The following ARRDC4 variants were observed in gnomAD, a reference collection of about 807,000 sequenced individuals.
ARRDC4 encodes the protein arrestin domain containing 4.
ARRDC4 carries 40 observed loss-of-function variants against 44.6 expected under a neutral mutation model. The observed-to-expected ratio is 0.90, with a 90% CI of 0.70 to 1.17. The LOEUF is 1.17. Among genes scored for constraint, ARRDC4 ranks in the 50% most tolerant of loss-of-function variants. The pLI, the probability that ARRDC4 is intolerant of heterozygous loss-of-function variation, is 0.00. For synonymous variants in ARRDC4, 211 were observed against 221.2 expected, an observed-to-expected ratio of 0.95 and a Z score of 0.41; for missense variants, 550 against 559.1, an observed-to-expected ratio of 0.98 and a Z score of 0.16.
In ARRDC4 at chr15:97,967,588, T is replaced by A. The variant is rs985889812; in HGVS notation, c.523-426T>A. ...TGTTTGTTTATTCCACTTTATTAAATGCCAAAATAAATATAATGTTCTGAT... is the reference window on the plus strand; with the variant it reads ...TGTTTGTTTATTCCACTTTATTAAAAGCCAAAATAAATATAATGTTCTGAT... On this transcript the variant is annotated intron_variant, in intron 3 of 7. Transcript: ENST00000268042. This position sits in a 1 kb window ranked among gnomAD's most constrained non-coding sequence, Gnocchi z 5.0. Among the ~76,000 whole-genome samples the A allele has an allele frequency of 2.0e-5, 3 of 152,164 alleles. No homozygotes were observed. The highest frequency in any genetic ancestry group is 6.5e-5 in the Admixed American group (1 of 15,276).
rs202148289 is a variant in ARRDC4 at position 97,961,006 on chromosome 15, C to T, written c.145C>T (p.Pro49Ser). Residue 49 changes from proline (P) to serine (S), a missense_variant, in exon 1 of 8, where the codon CCG (proline) becomes TCG (serine). Transcript: ENST00000268042. ...AGHVLLEASE[P>S]VALRALRLEA... ...GCACGTGCTGCTGGAGGCGTCCGAG[C>T]CGGTGGCCCTGCGCGCGCTGCGCCT... The T allele has an allele frequency of 1.6e-3, 2,290 of 1,444,596 alleles. 64 individuals carry two copies. In the East Asian group the frequency reaches 0.056, roughly 35 times the overall value. The allele number at this position is 1,444,596 out of a possible 1,614,324, so 89.5% of individuals were successfully genotyped here. A position where few individuals can be genotyped will look rare whatever the true frequency, so the allele number is the denominator to read the frequency against.
chr15:97,970,989 A>AAT lies in ARRDC4; in HGVS notation c.1201-138_1201-137dup. On this transcript the variant is annotated intron_variant, in intron 7 of 7. Transcript: ENST00000268042. This position sits in a 1 kb window ranked among gnomAD's most constrained non-coding sequence, Gnocchi z 4.2. Reference sequence around the variant, plus strand: ...TTTAAGGTGTGTTATTTGGCCATGGAATATAGAGAACTTAAGCACCTTCTG... The same window carrying AAT: ...TTTAAGGTGTGTTATTTGGCCATGGAATATATAGAGAACTTAAGCACCTTCTG... 1 of 983,296 alleles carries AAT rather than the reference A, an allele frequency of 1.0e-6. No homozygotes were observed. Among genetic ancestry groups the AAT allele is most frequent in the South Asian group, 1.5e-5 (1 of 65,116 alleles). The allele number at this position is 983,296 out of a possible 1,614,324, so 60.9% of individuals were successfully genotyped here.
chr15:97,965,606 G>C lies in ARRDC4; in HGVS notation c.314G>C (p.Gly105Ala), dbSNP rs1456630211. The part of the protein sequence containing the change: ...LSLREPPAGE[G>A]IILLQPGKHE... ...AAAATACAATCTCTTATAGGTGAAG[G>C]CATCATTTTATTACAGCCTGGAAAA... Residue 105 changes from glycine to alanine, a missense_variant, in exon 2 of 8, where the codon GGC becomes GCC. Transcript: ENST00000268042. The surrounding 1 kb of genome is among the most constrained non-coding windows in gnomAD (Gnocchi z 5.1). The C allele has an allele frequency of 5.6e-6, 9 of 1,608,646 alleles. No individual in the cohort carries two copies. The highest frequency in any genetic ancestry group is 4.0e-5 in the African/African-American group (3 of 74,770).
At chr15:97,962,834 G>A (rs536745522) in intron 1 of ARRDC4, among the ~76,000 whole-genome samples, 1 of 152,162 alleles carries the variant, frequency 6.6e-6, no homozygotes, top group South Asian at 2.1e-4. Flanking sequence ...TAGATTCTGG[G>A]GGTAATTTAA....
Position 97,965,992 on chromosome 15 carries a change from C to T in ARRDC4, c.472C>T (p.Arg158Trp), listed in dbSNP as rs367878363. 3.7e-6 allele frequency: 6 copies of T among 1,613,980 alleles called. No individual in the cohort carries two copies. Among genetic ancestry groups the T allele is most frequent in the Non-Finnish European group, 5.1e-6 (6 of 1,180,002 alleles). The change falls in exon 3 of 8, where the codon CGG becomes TGG. Residue 158 changes from arginine to tryptophan, a missense_variant. Physicochemically the swap from Arg to Trp is moderately radical, Grantham distance 101. Transcript: ENST00000268042. This position sits in a 1 kb window ranked among gnomAD's most constrained non-coding sequence, Gnocchi z 5.1. ...CAAGGTACCTGATCAGAGTGTAAAG[C>T]GGGAACTCCAGGTTGTTAGTCATGT... ...RPKVPDQSVK[R>W]ELQVVSHVDV...
At position 97,960,737 on chromosome 15, in the gene ARRDC4, T is replaced by C. The variant is rs956081873; in HGVS notation, c.-125T>C. ...CTCGGCGAGCCGGTGCCCCATCGGG[T>C]ACCGCACGGCTGCCGCGGCGGCCTT... On this transcript the variant is annotated 5_prime_UTR_variant, in exon 1 of 8. Transcript: ENST00000268042. 8 of 852,414 alleles carry C rather than the reference T, an allele frequency of 9.4e-6. No individual in the cohort carries two copies. The highest frequency in any genetic ancestry group is 1.3e-5 in the Non-Finnish European group (8 of 639,582). 52.8% of individuals were successfully genotyped at this position (852,414 alleles called of 1,614,324 possible).
At position 97,966,119 on chromosome 15, in the gene ARRDC4, A is replaced by G. The variant is rs990298689; in HGVS notation, c.522+77A>G. Reference sequence around the variant, plus strand: ...CTCCTTCCTTTCAACAGTGGGATCTATATTTAGCCAGTTTACTGGTAGTCT... The same window carrying G: ...CTCCTTCCTTTCAACAGTGGGATCTGTATTTAGCCAGTTTACTGGTAGTCT... On this transcript the variant is annotated intron_variant, in intron 3 of 7. Coordinates refer to ENST00000268042, the MANE Select transcript of ARRDC4 (RefSeq NM_183376.3). This position sits in a 1 kb window ranked among gnomAD's most constrained non-coding sequence, Gnocchi z 4.7. The G allele has an allele frequency of 1.4e-5, 21 of 1,504,656 alleles. No homozygotes were observed. Among genetic ancestry groups the G allele is most frequent in the South Asian group, 7.4e-5 (6 of 80,750 alleles). 93.2% of individuals were successfully genotyped at this position (1,504,656 alleles called of 1,614,324 possible). A position where few individuals can be genotyped will look rare whatever the true frequency, so the allele number is the denominator to read the frequency against.
At position 97,968,213 on chromosome 15, in the gene ARRDC4, G is replaced by A. The variant is rs1238592328; in HGVS notation, c.625+97G>A. ...ATAGTGTTTTTTGTAATTATATGAC[G>A]TGTATAGTATTTTAAAACATGAATA... On this transcript the variant is annotated intron_variant, in intron 4 of 7. Coordinates refer to ENST00000268042, the MANE Select transcript of ARRDC4 (RefSeq NM_183376.3). This position sits in a 1 kb window ranked among gnomAD's most constrained non-coding sequence, Gnocchi z 5.4. The A allele has an allele frequency of 1.1e-5, 7 of 638,640 alleles. No homozygotes were observed. Among genetic ancestry groups the A allele is most frequent in the South Asian group, 6.9e-5 (2 of 28,846 alleles). The allele number at this position is 638,640 out of a possible 1,614,324, so 39.6% of individuals were successfully genotyped here.
In ARRDC4 at chr15:97,960,921, G is replaced by C. The variant is rs111509401; in HGVS notation, c.60G>C (p.Leu20=). The C allele has an allele frequency of 6.3e-3, 9,172 of 1,459,000 alleles. 515 individuals are homozygous for C. The African/African-American group carries it at 0.12, about 18-fold the overall frequency. 90.4% of individuals were successfully genotyped at this position (1,459,000 alleles called of 1,614,324 possible). A position where few individuals can be genotyped will look rare whatever the true frequency, so the allele number is the denominator to read the frequency against. The change falls in exon 1 of 8, where the codon CTG becomes CTC. Residue 20 remains leucine (L), a synonymous_variant. Transcript: ENST00000268042. ...AVGAEGRVKS[L]GLVFEDERKG... ...GTGCCGAGGGCCGCGTGAAGAGCCT[G>C]GGTCTGGTGTTCGAGGACGAGCGCA... is the stretch of plus-strand genomic sequence containing the variant.
In ARRDC4 at chr15:97,969,959, GT is replaced by G. The variant is rs1222751302; in HGVS notation, c.963del (p.Phe321LeufsTer16). On this transcript the variant is annotated frameshift_variant, in exon 6 of 8. Coordinates refer to ENST00000268042, the MANE Select transcript of ARRDC4 (RefSeq NM_183376.3). LOFTEE classifies it high-confidence loss of function. ...GTGATCGGTACAATTCCATATAATG[GT>G]TTTGGCAGCAGAAACTCCAGCATTG... Reference protein sequence around the residue: ...PLVIGTIPYNGFGSRNSSIAS... With the variant: ...PLVIGTIPYNXFGSRNSSIAS... 5.6e-6 allele frequency: 9 copies of G among 1,612,560 alleles called. No individual in the cohort carries two copies. Among genetic ancestry groups the G allele is most frequent in the Admixed American group, 1.7e-5 (1 of 59,852 alleles).
Position 97,965,615 on chromosome 15 carries a change from T to C in ARRDC4, c.323T>C (p.Leu108Ser). The C allele has an allele frequency of 6.2e-7, 1 of 1,612,336 alleles. No homozygotes were observed. Among genetic ancestry groups the C allele is most frequent in the Non-Finnish European group, 8.5e-7 (1 of 1,178,396 alleles). ...REPPAGEGII[L>S]LQPGKHEFPF... is the part of the protein sequence containing the mutation. Reference sequence around the variant, plus strand: ...TCTCTTATAGGTGAAGGCATCATTTTATTACAGCCTGGAAAACATGAATTT... The same window carrying C: ...TCTCTTATAGGTGAAGGCATCATTTCATTACAGCCTGGAAAACATGAATTT... The change falls in exon 2 of 8, where the codon TTA (leucine) becomes TCA (serine). Residue 108 changes from leucine to serine, a missense_variant. Coordinates refer to ENST00000268042, the MANE Select transcript of ARRDC4 (RefSeq NM_183376.3). This position sits in a 1 kb window ranked among gnomAD's most constrained non-coding sequence, Gnocchi z 5.1.
At position 97,967,303 on chromosome 15, in the gene ARRDC4, A is replaced by T. The variant is rs1394091660; in HGVS notation, c.523-711A>T. Among the ~76,000 whole-genome samples, 1 of 152,210 alleles carries T rather than the reference A, an allele frequency of 6.6e-6. No individual in the cohort carries two copies. The highest frequency in any genetic ancestry group is 1.5e-5 in the Non-Finnish European group (1 of 68,040). ...CGATTCTTTATATAAATAAAAAAAAAATATTGCAAGTAACTGGGTTTTACA... is the reference window on the plus strand; with the variant it reads ...CGATTCTTTATATAAATAAAAAAAATATATTGCAAGTAACTGGGTTTTACA... On this transcript the variant is annotated intron_variant, in intron 3 of 7. Coordinates refer to ENST00000268042, the MANE Select transcript of ARRDC4 (RefSeq NM_183376.3). The surrounding 1 kb of genome is among the most constrained non-coding windows in gnomAD (Gnocchi z 5.0).
At chr15:97,963,424 T>C (rs1269592065) in intron 1 of ARRDC4, among the ~76,000 whole-genome samples, 1 of 152,206 alleles carries the variant, frequency 6.6e-6, no homozygotes, top group Non-Finnish European at 1.5e-5. Context: ...TTTGAGATAG[T>C]TGAAAGTCTC....
rs534965794 is a variant in ARRDC4 at position 97,970,060 on chromosome 15, C to T, written c.1045+15C>T. ...GCAGCCTGAAGGTAAAATATGTTGG[C>T]GTTCTTTCATAACGAAGCTTTACCT... On this transcript the variant is annotated intron_variant, in intron 6 of 7. Transcript: ENST00000268042. This position sits in a 1 kb window ranked among gnomAD's most constrained non-coding sequence, Gnocchi z 4.2. The T allele has an allele frequency of 2.0e-5, 32 of 1,599,264 alleles. No individual in the cohort carries two copies. Among genetic ancestry groups the T allele is most frequent in the East Asian group, 1.3e-4 (6 of 44,510 alleles).
Position 97,967,042 on chromosome 15 carries a change from T to C in ARRDC4, c.523-972T>C, listed in dbSNP as rs958789450. 1.3e-5 allele frequency among the ~76,000 whole-genome samples: 2 copies of C among 152,238 alleles called. No individual in the cohort carries two copies. Among genetic ancestry groups the C allele is most frequent in the Non-Finnish European group, 2.9e-5 (2 of 68,036 alleles). On this transcript the variant is annotated intron_variant, in intron 3 of 7. Transcript: ENST00000268042. The surrounding 1 kb of genome is among the most constrained non-coding windows in gnomAD (Gnocchi z 5.0). ...AGATAGCAGATATGCTGTGGTTCCA[T>C]GGCCTCTTGTGGTCAGAATCATAAA...
Position 97,966,125 on chromosome 15 carries a change from A to T in ARRDC4, c.522+83A>T. Reference sequence around the variant, plus strand: ...CCTTTCAACAGTGGGATCTATATTTAGCCAGTTTACTGGTAGTCTGTCCTG... The same window carrying T: ...CCTTTCAACAGTGGGATCTATATTTTGCCAGTTTACTGGTAGTCTGTCCTG... On this transcript the variant is annotated intron_variant, in intron 3 of 7. Transcript: ENST00000268042. The surrounding 1 kb of genome is among the most constrained non-coding windows in gnomAD (Gnocchi z 4.7). The T allele has an allele frequency of 6.7e-7, 1 of 1,486,528 alleles. No homozygotes were observed. Among genetic ancestry groups the T allele is most frequent in the South Asian group, 1.3e-5 (1 of 79,226 alleles). 92.1% of individuals were successfully genotyped at this position (1,486,528 alleles called of 1,614,324 possible).
chr15:97,969,044 A>G, intron 4 of ARRDC4, 79 bp from the exon 5 acceptor site: 2 of 1,405,752 alleles, frequency 1.4e-6, no homozygotes, highest in South Asian at 2.6e-5. Flanking sequence ...GGAACATTTC[A>G]GCTATACGGC....
In ARRDC4 at chr15:97,969,898, C is replaced by G. The variant is rs1899479675; in HGVS notation, c.898C>G (p.Pro300Ala). The G allele has an allele frequency of 6.3e-7, 1 of 1,583,302 alleles. No homozygotes were observed. The highest frequency in any genetic ancestry group is 8.6e-7 in the Non-Finnish European group (1 of 1,163,406). ...DYSLAVYIHI[P>A]GAKKLMLELP... ...GGCTTATTAGGTATACATTCACATTCCTGGTGCTAAAAAATTGATGCTCGA... is the reference window on the plus strand; with the variant it reads ...GGCTTATTAGGTATACATTCACATTGCTGGTGCTAAAAAATTGATGCTCGA... The change falls in exon 6 of 8, where the codon CCT becomes GCT. Residue 300 changes from proline (P) to alanine (A), a missense_variant. Coordinates refer to ENST00000268042, the MANE Select transcript of ARRDC4 (RefSeq NM_183376.3).
chr15:97,973,548 T>C lies in ARRDC4; in HGVS notation c.*2361T>C, dbSNP rs1899550029. On this transcript the variant is annotated 3_prime_UTR_variant, in exon 8 of 8. Coordinates refer to ENST00000268042, the MANE Select transcript of ARRDC4 (RefSeq NM_183376.3). Reference sequence around the variant, plus strand: ...ATTCCCCTCTTGCTCTTCTTTAGTTTGAAAAAACAAAAACGTGGCCTTGGA... The same window carrying C: ...ATTCCCCTCTTGCTCTTCTTTAGTTCGAAAAAACAAAAACGTGGCCTTGGA... The C allele has an allele frequency of 6.6e-6, 1 of 152,610 alleles. No individual in the cohort carries two copies. Among genetic ancestry groups the C allele is most frequent in the South Asian group, 2.1e-4 (1 of 4,824 alleles). 9.5% of individuals were successfully genotyped at this position (152,610 alleles called of 1,614,324 possible).
Sources: gnomAD v4.1 joint callset for allele counts (sites outside exome capture counted in the v4.1 genomes callset) on GRCh38, gnomAD v4.1.1 for gene constraint, Gnocchi (gnomAD v3.1) non-coding constraint, MANE v1.5 for transcripts, NCBI Gene and HGNC (gene_info 2026-07-23, HGNC 2026-07-21) for gene names.